HS3ST5: variants seen among roughly 807,000 people sequenced by gnomAD.
HS3ST5 encodes heparan sulfate glucosamine 3-O-sulfotransferase 5.
HS3ST5 carries 10 observed loss-of-function variants against 25.4 expected under a neutral mutation model. The observed-to-expected ratio is 0.39, with a 90% CI of 0.24 to 0.67. The LOEUF is 0.67. HS3ST5 is among the 30% of genes least tolerant of loss of function. HS3ST5 has a pLI of 0.44. For missense variants in HS3ST5, 324 were observed against 420.7 expected (o/e 0.77, Z 2.01); for synonymous variants, 170 against 162.4 (o/e 1.05, Z -0.36).
chr6:114,182,276 C>G (rs575692364), intron 2 of HS3ST5, among the ~76,000 whole-genome samples: 1 of 152,056 alleles, frequency 6.6e-6, no homozygotes, highest in Non-Finnish European at 1.5e-5. Context: ...ACGGAATACT[C>G]AAGTAGAAAA....
intron 3 of HS3ST5, among the ~76,000 whole-genome samples, chr6:114,123,704 G>A (rs9488327): frequency 0.013 from 1,928 of 152,270 alleles, 31 homozygotes; most frequent in African/African-American, 0.041. Flanking sequence ...TTCCAGACAA[G>A]TGGGTCCTAT....
intron 3 of HS3ST5, among the ~76,000 whole-genome samples, chr6:114,108,342 AG>A (rs970512224): frequency 1.3e-5 from 2 of 152,232 alleles, no homozygotes; most frequent in Admixed American, 1.3e-4. Context: ...TAGACAGCAA[AG>A]GAACTGGCTG....
chr6:114,060,005 T>C (rs1248784660), intron 4 of HS3ST5, among the ~76,000 whole-genome samples: 28 of 145,156 alleles, frequency 1.9e-4, no homozygotes, highest in Admixed American at 1.9e-3. Context: ...TGTGAAAATA[T>C]AGACAACTTT....
chr6:114,144,480 C>G (rs1005771058), intron 3 of HS3ST5, among the ~76,000 whole-genome samples: 7 of 150,974 alleles, frequency 4.6e-5, no homozygotes, highest in Non-Finnish European at 1.0e-4. Flanking sequence ...CATAATGGTC[C>G]CACACAGCCT....
At chr6:114,275,352 C>G (rs1482793889) in intron 1 of HS3ST5, among the ~76,000 whole-genome samples, 3 of 151,998 alleles carry the variant, frequency 2.0e-5, no homozygotes, top group Non-Finnish European at 4.4e-5. Context: ...AACATTGTCC[C>G]TTTGTGCCAA....
intron 3 of HS3ST5, among the ~76,000 whole-genome samples, chr6:114,133,251 C>A (rs1247087457): frequency 6.6e-6 from 1 of 152,182 alleles, no homozygotes; most frequent in Non-Finnish European, 1.5e-5. Flanking sequence ...GAGTCAGCTT[C>A]TTTGAACTTC....
chr6:114,089,792 G>A (rs572331322), intron 3 of HS3ST5, among the ~76,000 whole-genome samples: 9 of 152,306 alleles, frequency 5.9e-5, no homozygotes, highest in East Asian at 5.8e-4. Context: ...CGGAGAAGCC[G>A]TTGGGCAATC....
intron 1 of HS3ST5, among the ~76,000 whole-genome samples, chr6:114,274,751 G>C (rs1309519690): frequency 6.6e-6 from 1 of 152,044 alleles, no homozygotes; most frequent in Admixed American, 6.6e-5. Context: ...AAGAGTGGTT[G>C]CAGCAAGGTG....
At chr6:114,225,352 C>G (rs1217110173) in intron 2 of HS3ST5, among the ~76,000 whole-genome samples, 2 of 151,830 alleles carry the variant, frequency 1.3e-5, no homozygotes, top group African/African-American at 4.8e-5. Flanking sequence ...TCAGTCAGCT[C>G]AAGTCATTGC....
At chr6:114,102,877 T>A (rs1775801272) in intron 3 of HS3ST5, among the ~76,000 whole-genome samples, 1 of 152,160 alleles carries the variant, frequency 6.6e-6, no homozygotes, top group African/African-American at 2.4e-5. Context: ...CAGACCAAGA[T>A]AAAATTTTAA....
At chr6:114,153,879 G>C (rs190408890) in intron 3 of HS3ST5, among the ~76,000 whole-genome samples, 14 of 152,312 alleles carry the variant, frequency 9.2e-5, no homozygotes, top group African/African-American at 3.4e-4. Context: ...ATGCAGAAAG[G>C]TCAAGATTAT....
chr6:114,336,516 G>A (rs1172094685), intron 1 of HS3ST5, among the ~76,000 whole-genome samples: 2 of 152,222 alleles, frequency 1.3e-5, no homozygotes, highest in African/African-American at 4.8e-5. Context: ...GCTGAGGCAC[G>A]AAATCACTTG....
intron 3 of HS3ST5, among the ~76,000 whole-genome samples, chr6:114,076,234 T>A (rs1053442823): frequency 6.6e-6 from 1 of 152,220 alleles, no homozygotes. Flanking sequence ...TGTGACTTTG[T>A]GTAAACCACT....
At chr6:114,201,752 A>C (rs926223724) in intron 2 of HS3ST5, among the ~76,000 whole-genome samples, 3 of 152,186 alleles carry the variant, frequency 2.0e-5, no homozygotes, top group Non-Finnish European at 1.5e-5. Flanking sequence ...TATAAAGGAA[A>C]GAGGTAATTT....
At chr6:114,164,929 A>C (rs983696239) in intron 3 of HS3ST5, among the ~76,000 whole-genome samples, 2 of 152,156 alleles carry the variant, frequency 1.3e-5, no homozygotes, top group Non-Finnish European at 2.9e-5. Flanking sequence ...ACTTCCCTTC[A>C]ACATCTACAA....
chr6:114,153,260 G>A (rs1040238488), intron 3 of HS3ST5, among the ~76,000 whole-genome samples: 2 of 152,164 alleles, frequency 1.3e-5, no homozygotes, highest in Non-Finnish European at 2.9e-5. Context: ...TGGTGCGGGA[G>A]TGCCAGGTCC....
At chr6:114,148,369 A>C (rs1410704694) in intron 3 of HS3ST5, among the ~76,000 whole-genome samples, 3 of 152,226 alleles carry the variant, frequency 2.0e-5, no homozygotes, top group African/African-American at 4.8e-5. Flanking sequence ...CTGTAATCCC[A>C]GCACTTTGGG....
intron 1 of HS3ST5, among the ~76,000 whole-genome samples, chr6:114,296,165 T>C (rs1774811865): frequency 6.6e-6 from 1 of 152,224 alleles, no homozygotes; most frequent in African/African-American, 2.4e-5. Context: ...CTACTAGCTA[T>C]ATTAACATTT....
chr6:114,094,959 A>G (rs1453758457), intron 3 of HS3ST5, among the ~76,000 whole-genome samples: 1 of 152,184 alleles, frequency 6.6e-6, no homozygotes, highest in African/African-American at 2.4e-5. Context: ...TGCTGTCAAC[A>G]ACCACATGCA....
Sources: allele counts gnomAD v4.1 joint callset (sites outside exome capture counted in the v4.1 genomes callset), GRCh38; gene constraint gnomAD v4.1.1; transcripts MANE v1.5; gene names NCBI Gene and HGNC (gene_info 2026-07-23, HGNC 2026-07-21).